Variants in CAMK2D observed in about 807,000 individuals in gnomAD.
CAMK2D encodes the protein calcium/calmodulin dependent protein kinase II delta.
A neutral mutation model predicts 84.0 loss-of-function variants in CAMK2D; 37 were observed. That is an observed-to-expected ratio of 0.44 (90% confidence interval 0.34 to 0.58). The LOEUF is 0.58. Among genes scored for constraint, CAMK2D ranks in the 20% least tolerant of loss-of-function variants. The pLI is 0.02. For synonymous variants in CAMK2D, 202 were observed against 212.5 expected, an observed-to-expected ratio of 0.95 and a Z score of 0.43; for missense variants, 448 against 652.5, an observed-to-expected ratio of 0.69 and a Z score of 3.41.
At chr4:113,722,854 G>T (rs890237169) in intron 2 of CAMK2D, among the ~76,000 whole-genome samples, 1 of 152,038 alleles carries the variant, frequency 6.6e-6, no homozygotes, top group Non-Finnish European at 1.5e-5. Flanking sequence ...TATCAATCAC[G>T]TTAAGCTATT....
At chr4:113,457,243 A>G in intron 19 of CAMK2D, 92 bp downstream of exon 19, 2 of 1,518,334 alleles carry the variant, frequency 1.3e-6, no homozygotes, top group South Asian at 2.6e-5. Flanking sequence ...CTAGCGTTAA[A>G]TAACATATAC....
chr4:113,532,788 C>A (rs2098466719), intron 7 of CAMK2D, among the ~76,000 whole-genome samples: 2 of 152,262 alleles, frequency 1.3e-5, no homozygotes, highest in Middle Eastern at 6.8e-3. Context: ...CCTGACTAAT[C>A]TCTTTAAGGT....
chr4:113,465,085 T>G (rs1207902478), intron 17 of CAMK2D, among the ~76,000 whole-genome samples: 1 of 152,096 alleles, frequency 6.6e-6, no homozygotes, highest in Non-Finnish European at 1.5e-5. Context: ...CAGGCTGGAG[T>G]GCAGTGATGT....
intron 2 of CAMK2D, among the ~76,000 whole-genome samples, chr4:113,737,991 T>C (rs1211996381): frequency 1.3e-5 from 2 of 152,156 alleles, no homozygotes. Context: ...ATGGTAAACA[T>C]GCGCCTAAGA....
At chr4:113,682,075 T>A (rs538257182) in intron 2 of CAMK2D, among the ~76,000 whole-genome samples, 7 of 152,282 alleles carry the variant, frequency 4.6e-5, no homozygotes, top group Admixed American at 4.6e-4. Flanking sequence ...TTGCTAAGCT[T>A]AATTTTCCAT....
intron 2 of CAMK2D, among the ~76,000 whole-genome samples, chr4:113,670,257 G>A (rs530486554): frequency 6.6e-6 from 1 of 152,148 alleles, no homozygotes; most frequent in East Asian, 1.9e-4. Flanking sequence ...ATTCCAGCCT[G>A]GCTGACAGAG....
At chr4:113,530,782 C>G (rs1259134299) in intron 8 of CAMK2D, among the ~76,000 whole-genome samples, 1 of 152,162 alleles carries the variant, frequency 6.6e-6, no homozygotes, top group African/African-American at 2.4e-5. Context: ...GCCTTCACAA[C>G]TGTGAGAAAT....
intron 20 of CAMK2D, 113 bp downstream of exon 20, chr4:113,455,613 G>A (rs554357903): frequency 1.9e-5 from 11 of 575,228 alleles, no homozygotes; most frequent in South Asian, 5.9e-5. Flanking sequence ...GACCTTGTGC[G>A]TTTTTCATTG....
At chr4:113,599,436 G>A (rs78099496) in intron 4 of CAMK2D, among the ~76,000 whole-genome samples, 6,218 of 152,242 alleles carry the variant, frequency 0.041, 357 homozygotes, top group East Asian at 0.19. Context: ...AGCAGTCAAG[G>A]TGTCTTTCAT....
intron 8 of CAMK2D, among the ~76,000 whole-genome samples, chr4:113,528,075 GGAGA>G (rs1030215470): frequency 2.2e-4 from 33 of 152,174 alleles, no homozygotes; most frequent in Admixed American, 2.0e-3. Context: ...GCAGAGAGAG[GGAGA>G]GAGAGAATTT....
chr4:113,541,583 TG>T (rs2098530213), intron 6 of CAMK2D, among the ~76,000 whole-genome samples: 1 of 152,178 alleles, frequency 6.6e-6, no homozygotes, highest in South Asian at 2.1e-4. Flanking sequence ...TGTAAAATCA[TG>T]TGTGTTTTAC....
intron 2 of CAMK2D, among the ~76,000 whole-genome samples, chr4:113,731,647 G>A (rs376717401): frequency 6.7e-5 from 10 of 148,712 alleles, no homozygotes; most frequent in South Asian, 2.1e-4. Context: ...GTGCAATGGC[G>A]TGATCTTGGC....
chr4:113,632,072 A>G (rs2099091920), intron 3 of CAMK2D, among the ~76,000 whole-genome samples: 1 of 152,196 alleles, frequency 6.6e-6, no homozygotes, highest in African/African-American at 2.4e-5. Flanking sequence ...GTTACAGGCT[A>G]ACAATACTTG....
At position 113,649,340 on chromosome 4, in the gene CAMK2D, A is replaced by G. The variant is rs573580924; in HGVS notation, c.220+12373T>C. On this transcript the variant is annotated intron_variant, in intron 3 of 20. Coordinates refer to ENST00000511664, the MANE Select transcript of CAMK2D (RefSeq NM_001321571.2). ...AATTCTTTATTTTCTCCAGATTAAA[A>G]ATCAAATTCCTTCCCAGACTCTCCA... 9.2e-5 allele frequency among the ~76,000 whole-genome samples: 14 copies of G among 152,340 alleles called. No homozygotes were observed. The East Asian group carries it at 1.5e-3, about 17-fold the overall frequency.
intron 20 of CAMK2D, among the ~76,000 whole-genome samples, chr4:113,455,263 A>G (rs1287996476): frequency 1.3e-5 from 2 of 152,224 alleles, no homozygotes; most frequent in African/African-American, 4.8e-5. Flanking sequence ...GCCTGTCCTC[A>G]TGGTCAAGTA....
intron 2 of CAMK2D, among the ~76,000 whole-genome samples, chr4:113,697,195 G>A (rs542379503): frequency 1.3e-5 from 2 of 152,218 alleles, no homozygotes; most frequent in East Asian, 3.9e-4. Flanking sequence ...ATATGCAAGA[G>A]CATGGAGACA....
rs79922057 is a variant in CAMK2D at position 113,543,768 on chromosome 4, G to GTTTATTTATTTA, written c.414+3864_414+3875dup. On this transcript the variant is annotated intron_variant, in intron 6 of 20. Coordinates refer to ENST00000511664, the MANE Select transcript of CAMK2D (RefSeq NM_001321571.2). ...CATAAAGAATCTATCTATCTATCAA[G>GTTTATTTATTTA]TTTATTTATTTATTTATTTATTTAT... 5.7e-3 allele frequency among the ~76,000 whole-genome samples: 837 copies of GTTTATTTATTTA among 146,708 alleles called. 5 individuals are homozygous for GTTTATTTATTTA. The highest frequency in any genetic ancestry group is 9.6e-3 in the African/African-American group (383 of 40,030).
Position 113,761,398 on chromosome 4 carries a change from G to A in CAMK2D, c.-330C>T, listed in dbSNP as rs1003258207. 1.6e-6 allele frequency: 2 copies of A among 1,250,996 alleles called. No homozygotes were observed. Among genetic ancestry groups the A allele is most frequent in the Non-Finnish European group, 2.0e-6 (2 of 986,416 alleles). 77.5% of individuals were successfully genotyped at this position (1,250,996 alleles called of 1,614,324 possible). A position where few individuals can be genotyped will look rare whatever the true frequency, so the allele number is the denominator to read the frequency against. The stretch of plus-strand genomic sequence containing the variant: ...GGGGTAAAGTACTCAAGAAGAGGGG[G>A]CCGGGAAATGGAAAAACAGCCAGGC... On this transcript the variant is annotated 5_prime_UTR_variant, in exon 1 of 21. Coordinates refer to ENST00000511664, the MANE Select transcript of CAMK2D (RefSeq NM_001321571.2).
intron 3 of CAMK2D, among the ~76,000 whole-genome samples, chr4:113,644,220 G>GA (rs932130337): frequency 1.3e-5 from 2 of 152,082 alleles, no homozygotes; most frequent in Non-Finnish European, 2.9e-5. Flanking sequence ...AGAAGAAACA[G>GA]AAAAAATAAT....
Sources: gnomAD v4.1 joint callset for allele counts (sites outside exome capture counted in the v4.1 genomes callset) on GRCh38, gnomAD v4.1.1 for gene constraint, MANE v1.5 for transcripts, NCBI Gene and HGNC (gene_info 2026-07-23, HGNC 2026-07-21) for gene names.